The following RBPMS variants were observed in gnomAD, a reference collection of about 807,000 sequenced individuals.
RBPMS encodes RNA-binding protein with multiple splicing.
In RBPMS, 7 loss-of-function variants were observed where a neutral mutation model predicts 26.8. The observed-to-expected ratio is 0.26, with a 90% confidence interval of 0.15 to 0.49. The LOEUF (loss-of-function observed/expected upper bound fraction) is 0.49. Ranked by LOEUF, RBPMS falls within the 20% of genes least tolerant of loss-of-function variation. The pLI is 0.98. For missense variants in RBPMS, 186 were observed against 250.0 expected (o/e 0.74, Z 1.73); for synonymous variants, 96 against 93.3 (o/e 1.03, Z -0.17).
chr8:30,492,644 A>G (rs1819516929), intron 4 of RBPMS, among the ~76,000 whole-genome samples: 1 of 152,152 alleles, frequency 6.6e-6, no homozygotes. Flanking sequence ...ATTTGCAATC[A>G]CTAGGAAAAA....
intron 7 of RBPMS, among the ~76,000 whole-genome samples, 193 bp downstream of exon 7, chr8:30,559,149 G>A (rs967795757): frequency 2.6e-5 from 4 of 152,172 alleles, no homozygotes; most frequent in South Asian, 2.1e-4. Flanking sequence ...ACCTAGGTAC[G>A]GGTGCTAGTC....
At chr8:30,511,788 C>T (rs1821745356) in intron 5 of RBPMS, among the ~76,000 whole-genome samples, 2 of 151,566 alleles carry the variant, frequency 1.3e-5, no homozygotes, top group Admixed American at 6.6e-5. Flanking sequence ...CGCACCATTC[C>T]TCTGCAGCCT....
chr8:30,540,854 A>C (rs1248179454), intron 5 of RBPMS, among the ~76,000 whole-genome samples: 1 of 152,186 alleles, frequency 6.6e-6, no homozygotes, highest in Non-Finnish European at 1.5e-5. Flanking sequence ...ATTCACCAGG[A>C]CCTTGATGAA....
At chr8:30,518,663 A>G (rs952573595) in intron 5 of RBPMS, among the ~76,000 whole-genome samples, 27 of 115,318 alleles carry the variant, frequency 2.3e-4, no homozygotes, top group Admixed American at 2.2e-4. Flanking sequence ...CCTGACCTCC[A>G]GTGATCCGCC....
intron 1 of RBPMS, among the ~76,000 whole-genome samples, chr8:30,428,763 C>G (rs1811628651): frequency 6.6e-6 from 1 of 151,724 alleles, no homozygotes; most frequent in African/African-American, 2.4e-5. Context: ...CAAGTACGTA[C>G]TGTGGGAATA....
chr8:30,568,225 T>TG (rs1464362786), intron 8 of RBPMS, among the ~76,000 whole-genome samples: 1 of 152,142 alleles, frequency 6.6e-6, no homozygotes, highest in Non-Finnish European at 1.5e-5. Context: ...TATTTGGAGT[T>TG]GGGGGGAGAA....
intron 6 of RBPMS, chr8:30,556,220 G>C (rs1826894857): frequency 2.0e-6 from 2 of 985,412 alleles, no homozygotes; most frequent in Non-Finnish European, 2.4e-6. Context: ...GCCACCTATT[G>C]CATCACTGGC....
chr8:30,548,862 TCAC>T (rs780154336), intron 6 of RBPMS, among the ~76,000 whole-genome samples: 2 of 152,232 alleles, frequency 1.3e-5, no homozygotes, highest in Non-Finnish European at 2.9e-5. Flanking sequence ...AGCATCTGCA[TCAC>T]TATGCCCTGT....
chr8:30,408,843 CCAAT>C (rs1353664309), intron 1 of RBPMS, among the ~76,000 whole-genome samples: 1 of 152,214 alleles, frequency 6.6e-6, no homozygotes, highest in East Asian at 1.9e-4. Flanking sequence ...AATTCATTAA[CCAAT>C]CAGTCACCAT....
At position 30,518,687 on chromosome 8, in the gene RBPMS, CTTTTTTTTTTT is replaced by C. The variant is rs58763494; in HGVS notation, c.397+14269_397+14279del. Among the ~76,000 whole-genome samples the C allele has an allele frequency of 5.0e-3, 91 of 18,246 alleles. 3 individuals are homozygous for C. Among genetic ancestry groups the C allele is most frequent in the Non-Finnish European group, 7.2e-3 (74 of 10,242 alleles). The allele number at this position is 18,246 out of a possible 152,430, so 12.0% of individuals were successfully genotyped here. A position where few individuals can be genotyped will look rare whatever the true frequency, so the allele number is the denominator to read the frequency against. Reference sequence around the variant, plus strand: ...CAGTGATCCGCCCGGCCAAGCATGACTTTTTTTTTTTTTTTTTTTTTTTTTTTTCTGAAAAG... The same window carrying C: ...CAGTGATCCGCCCGGCCAAGCATGACTTTTTTTTTTTTTTTTTCTGAAAAG... On this transcript the variant is annotated intron_variant, in intron 5 of 8. Transcript: ENST00000397323.
At chr8:30,484,737 T>C (rs1818615422) in intron 4 of RBPMS, among the ~76,000 whole-genome samples, 1 of 152,200 alleles carries the variant, frequency 6.6e-6, no homozygotes. Context: ...GACTTAATAG[T>C]GTCAGATGTT....
chr8:30,415,703 G>A lies in RBPMS; in HGVS notation c.66+30545G>A, dbSNP rs560876395. On this transcript the variant is annotated intron_variant, in intron 1 of 8. Coordinates refer to ENST00000397323, the MANE Select transcript of RBPMS (RefSeq NM_001008710.3). ...TGGAAAGTCTGTATTGACTGGCCTT[G>A]GGAAAACCTGGAATAAGACTGCTTG... Among the ~76,000 whole-genome samples the A allele has an allele frequency of 3.3e-5, 5 of 152,254 alleles. No homozygotes were observed. In the South Asian group the frequency reaches 8.3e-4, roughly 25 times the overall value.
chr8:30,466,611 T>C (rs928397457), intron 1 of RBPMS, among the ~76,000 whole-genome samples: 1 of 151,368 alleles, frequency 6.6e-6, no homozygotes, highest in African/African-American at 2.4e-5. Context: ...TTTTTTTTTT[T>C]TGAGACGGAG....
intron 1 of RBPMS, among the ~76,000 whole-genome samples, chr8:30,469,974 T>C (rs931500225): frequency 6.6e-6 from 1 of 152,198 alleles, no homozygotes; most frequent in African/African-American, 2.4e-5. Context: ...AAGGATCATG[T>C]CTATGAATTC....
intron 4 of RBPMS, among the ~76,000 whole-genome samples, chr8:30,486,604 G>C (rs1421686413): frequency 6.6e-6 from 1 of 151,608 alleles, no homozygotes; most frequent in Non-Finnish European, 1.5e-5. Context: ...TTGCACTCCA[G>C]CCTGGGCGAT....
At chr8:30,484,609 A>G (rs1241593225) in intron 4 of RBPMS, among the ~76,000 whole-genome samples, 3 of 152,218 alleles carry the variant, frequency 2.0e-5, no homozygotes, top group South Asian at 2.1e-4. Context: ...TATGTAAACT[A>G]AAAATATATA....
chr8:30,464,165 AT>A (rs1816247553), intron 1 of RBPMS, among the ~76,000 whole-genome samples: 1 of 152,198 alleles, frequency 6.6e-6, no homozygotes, highest in African/African-American at 2.4e-5. Flanking sequence ...CTTTCTTCAT[AT>A]TTACGTGTTC....
In RBPMS at chr8:30,455,571, T is replaced by C. The variant is rs574537241; in HGVS notation, c.67-19208T>C. 3.3e-5 allele frequency among the ~76,000 whole-genome samples: 5 copies of C among 152,192 alleles called. No homozygotes were observed. In the East Asian group the frequency reaches 7.7e-4, roughly 24 times the overall value. On this transcript the variant is annotated intron_variant, in intron 1 of 8. Coordinates refer to ENST00000397323, the MANE Select transcript of RBPMS (RefSeq NM_001008710.3). ...GGCTTCTAAGAGTAGAAGAGAGCCT[T>C]CTCTGGAAGTAAAGAATAATTATAA... is the stretch of plus-strand genomic sequence containing the variant.
chr8:30,442,004 G>A (rs1813137835), intron 1 of RBPMS, among the ~76,000 whole-genome samples: 1 of 151,882 alleles, frequency 6.6e-6, no homozygotes, highest in Admixed American at 6.6e-5. Context: ...TAGCCAGGAT[G>A]GTCTCGATCT....
Sources: gnomAD v4.1 joint callset for allele counts (sites outside exome capture counted in the v4.1 genomes callset) on GRCh38, gnomAD v4.1.1 for gene constraint, MANE v1.5 for transcripts, NCBI Gene and HGNC (gene_info 2026-07-23, HGNC 2026-07-21) for gene names.